PJA2: variants seen among roughly 807,000 people sequenced by gnomAD.
The protein encoded by PJA2 is praja ring finger ubiquitin ligase 2.
PJA2 carries 25 observed loss-of-function variants against 69.3 expected under a neutral mutation model. The ratio of observed to expected loss-of-function variants is 0.36; its 90% CI spans 0.26 to 0.50. PJA2 has a LOEUF of 0.50. Ranked by LOEUF, PJA2 falls within the 20% of genes least tolerant of loss-of-function variation. The probability of loss-of-function intolerance (pLI) is 0.96; values close to 1 mark genes in which losing one functional copy is unlikely to be tolerated. For synonymous variants in PJA2, 308 were observed against 277.8 expected (o/e 1.11, Z -1.08); for missense variants, 809 against 830.2 (o/e 0.97, Z 0.31).
intron 1 of PJA2, among the ~76,000 whole-genome samples, chr5:109,394,972 C>A (rs575002326): frequency 6.6e-6 from 1 of 152,224 alleles, no homozygotes; most frequent in South Asian, 2.1e-4. Flanking sequence ...CACAACTCAA[C>A]CTCATTAGAT....
At chr5:109,374,363 G>A (rs1468202385) in intron 4 of PJA2, among the ~76,000 whole-genome samples, 1 of 152,184 alleles carries the variant, frequency 6.6e-6, no homozygotes, top group East Asian at 1.9e-4. Context: ...CTGTGCCTTG[G>A]CTGCATATAG....
chr5:109,370,860 T>C (rs1762664534), intron 4 of PJA2, among the ~76,000 whole-genome samples: 1 of 152,182 alleles, frequency 6.6e-6, no homozygotes, highest in Non-Finnish European at 1.5e-5. Flanking sequence ...AAAAAAAATT[T>C]TCACTCAGAA....
At chr5:109,345,229 G>A (rs1762153821) in intron 7 of PJA2, among the ~76,000 whole-genome samples, 1 of 149,884 alleles carries the variant, frequency 6.7e-6, no homozygotes, top group South Asian at 2.1e-4. Context: ...GGTGGCACAT[G>A]CCTGTAATCC....
intron 7 of PJA2, 144 bp from the exon 8 acceptor site, chr5:109,344,963 C>T: frequency 1.9e-6 from 1 of 515,442 alleles, no homozygotes; most frequent in Admixed American, 3.3e-5. Flanking sequence ...CCTTTTGCCT[C>T]TTCAGAAGGA....
chr5:109,368,913 G>C (rs1762628162), intron 4 of PJA2, among the ~76,000 whole-genome samples, 167 bp from the exon 5 acceptor site: 1 of 152,098 alleles, frequency 6.6e-6, no homozygotes, highest in Non-Finnish European at 1.5e-5. Flanking sequence ...CTGCATCATG[G>C]GGGTGTATCC....
chr5:109,389,698 T>C (rs1747238312), intron 1 of PJA2, among the ~76,000 whole-genome samples: 1 of 152,008 alleles, frequency 6.6e-6, no homozygotes, highest in African/African-American at 2.4e-5. Flanking sequence ...AGACTACTGA[T>C]TGTAAACCTT....
At chr5:109,372,923 A>AAAAAAAAAAG (rs1272538036) in intron 4 of PJA2, among the ~76,000 whole-genome samples, 2 of 136,882 alleles carry the variant, frequency 1.5e-5, no homozygotes, top group African/African-American at 5.5e-5. Context: ...AAAAAAAAAA[A>AAAAAAAAAAG]AAAGAAAGAA....
chr5:109,405,968 G>A (rs1747680159), intron 1 of PJA2, among the ~76,000 whole-genome samples: 1 of 150,334 alleles, frequency 6.7e-6, no homozygotes, highest in Non-Finnish European at 1.5e-5. Context: ...GTGTGTTTAT[G>A]TATCTCTGTG....
At chr5:109,402,427 T>C (rs1747575647) in intron 1 of PJA2, among the ~76,000 whole-genome samples, 2 of 152,162 alleles carry the variant, frequency 1.3e-5, no homozygotes, top group South Asian at 4.1e-4. Context: ...TGAGGAATAC[T>C]ATCAGAGATA....
At chr5:109,395,321 G>C (rs1330396700) in intron 1 of PJA2, among the ~76,000 whole-genome samples, 1 of 152,074 alleles carries the variant, frequency 6.6e-6, no homozygotes, top group Non-Finnish European at 1.5e-5. Context: ...TTGAGCCCAG[G>C]AGCTCAAGAC....
intron 6 of PJA2, among the ~76,000 whole-genome samples, chr5:109,360,936 C>A (rs150256679): frequency 6.6e-6 from 1 of 152,032 alleles, no homozygotes; most frequent in Non-Finnish European, 1.5e-5. Flanking sequence ...GAGACCAGCC[C>A]GGGCAACATG....
intron 6 of PJA2, among the ~76,000 whole-genome samples, chr5:109,361,902 G>T (rs2126998233): frequency 6.6e-6 from 1 of 152,278 alleles, no homozygotes; most frequent in South Asian, 2.1e-4. Flanking sequence ...GGAACAGTCT[G>T]GAGAAGTACA....
At position 109,388,921 on chromosome 5, in the gene PJA2, C is replaced by T. The variant is rs1431849769; in HGVS notation, c.-87-5401G>A. Reference sequence around the variant, plus strand: ...TTTTGATAATTTACACCTATTATCACAACTGAGATATAAATTAAGAACTAC... The same window carrying T: ...TTTTGATAATTTACACCTATTATCATAACTGAGATATAAATTAAGAACTAC... On this transcript the variant is annotated intron_variant, in intron 1 of 9. Transcript: ENST00000361189. 2.0e-5 allele frequency among the ~76,000 whole-genome samples: 3 copies of T among 152,188 alleles called. No individual in the cohort carries two copies. In the East Asian group the frequency reaches 5.8e-4, roughly 30 times the overall value.
At position 109,397,214 on chromosome 5, in the gene PJA2, T is replaced by C. The variant is rs7725976; in HGVS notation, c.-88+12628A>G. ...ACCTTGATTTGGAACATCCAGGCTC[T>C]AGAATTGTGAAAAATAAATTTATTT... On this transcript the variant is annotated intron_variant, in intron 1 of 9. Coordinates refer to ENST00000361189, the MANE Select transcript of PJA2 (RefSeq NM_014819.5). Among the ~76,000 whole-genome samples the C allele has an allele frequency of 8.2e-3, 1,249 of 152,344 alleles. 14 individuals are homozygous for C. The highest frequency in any genetic ancestry group is 0.029 in the African/African-American group (1,189 of 41,582).
At chr5:109,408,546 A>C (rs879928426) in intron 1 of PJA2, among the ~76,000 whole-genome samples, 2 of 152,230 alleles carry the variant, frequency 1.3e-5, no homozygotes, top group Non-Finnish European at 2.9e-5. Flanking sequence ...TCAAAAAAAA[A>C]AACTTTACGT....
At chr5:109,345,571 T>C (rs1424903868) in intron 7 of PJA2, among the ~76,000 whole-genome samples, 1 of 152,018 alleles carries the variant, frequency 6.6e-6, no homozygotes, top group Non-Finnish European at 1.5e-5. Context: ...TCTCCGTATT[T>C]ATATTTTGAA....
intron 6 of PJA2, among the ~76,000 whole-genome samples, chr5:109,360,861 C>T (rs1210355544): frequency 6.6e-6 from 1 of 151,838 alleles, no homozygotes; most frequent in Non-Finnish European, 1.5e-5. Context: ...GGCATGGTGG[C>T]TCACACCTGT....
chr5:109,381,806 T>C (rs1319933753), intron 2 of PJA2, 103 bp from the exon 3 acceptor site: 2 of 911,092 alleles, frequency 2.2e-6, no homozygotes, highest in African/African-American at 3.4e-5. Context: ...ATTTATCAAA[T>C]CATATGCTTC....
chr5:109,392,335 T>G (rs1007486502), intron 1 of PJA2, among the ~76,000 whole-genome samples: 3 of 114,672 alleles, frequency 2.6e-5, no homozygotes, highest in Non-Finnish European at 6.9e-5. Flanking sequence ...CCGAGGCGGG[T>G]GGATCACTGG....
Sources: gnomAD v4.1 joint callset for allele counts (sites outside exome capture counted in the v4.1 genomes callset) on GRCh38, gnomAD v4.1.1 for gene constraint, MANE v1.5 for transcripts, NCBI Gene and HGNC (gene_info 2026-07-23, HGNC 2026-07-21) for gene names.